Variants in ABCA4 observed in about 807,000 individuals in gnomAD.
ABCA4 encodes ATP binding cassette subfamily A member 4.
In ABCA4, 196 loss-of-function variants were observed where a neutral mutation model predicts 263.7. That is an observed-to-expected ratio of 0.74 (90% CI 0.66 to 0.84). The LOEUF (loss-of-function observed/expected upper bound fraction) is 0.84, where lower values mean the gene tolerates loss of function less well. Among genes scored for constraint, ABCA4 ranks in the 40% least tolerant of loss-of-function variants. The pLI is 0.00. For synonymous variants in ABCA4, 1,133 were observed against 1,094.2 expected, an observed-to-expected ratio of 1.04 and a Z score of -0.70; for missense variants, 2,792 against 2,855.1, an observed-to-expected ratio of 0.98 and a Z score of 0.50.
chr1:94,007,464 G>T (rs1190361675), intron 43 of ABCA4, among the ~76,000 whole-genome samples, 170 bp downstream of exon 43: 2 of 145,114 alleles, frequency 1.4e-5, no homozygotes, highest in African/African-American at 2.6e-5. Context: ...CTTTTCCATT[G>T]GGTCTATGTG....
intron 6 of ABCA4, among the ~76,000 whole-genome samples, chr1:94,097,292 A>C (rs1283623630): frequency 6.6e-6 from 1 of 152,126 alleles, no homozygotes; most frequent in Non-Finnish European, 1.5e-5. Context: ...ACGGAAAGTC[A>C]CACATTGAAG....
At chr1:94,023,541 C>T (rs765017866) in intron 31 of ABCA4, 123 bp from the exon 32 acceptor site, 34 of 884,564 alleles carry the variant, frequency 3.8e-5, no homozygotes, top group South Asian at 1.4e-4. Context: ...TTGCATTTTC[C>T]GATATCCAAG....
At position 94,063,236 on chromosome 1, in the gene ABCA4, T is replaced by C; in HGVS notation, c.1636A>G (p.Met546Val). The C allele has an allele frequency of 1.9e-6, 3 of 1,614,122 alleles. No homozygotes were observed. Among genetic ancestry groups the C allele is most frequent in the Admixed American group, 1.7e-5 (1 of 60,026 alleles). Reference sequence around the variant, plus strand: ...GGGAATACCACTCCGGCCCAGAACATGTTTTCCTCCAGTAGAGAGAGGGCA... The same window carrying C: ...GGGAATACCACTCCGGCCCAGAACACGTTTTCCTCCAGTAGAGAGAGGGCA... ...QRALSLLEEN[M>V]FWAGVVFPDM... The change falls in exon 12 of 50, where the codon ATG becomes GTG. Residue 546 changes from methionine to valine, a missense_variant. Met to Val is a conservative substitution (Grantham distance 21). Coordinates refer to ENST00000370225, the MANE Select transcript of ABCA4 (RefSeq NM_000350.3).
At chr1:93,996,413 C>G (rs979812668) in intron 48 of ABCA4, among the ~76,000 whole-genome samples, 4 of 152,194 alleles carry the variant, frequency 2.6e-5, no homozygotes, top group African/African-American at 9.7e-5. Context: ...AGTGATGCCA[C>G]AGGAGTTCCT....
chr1:94,120,235 A>G (rs1203959646), intron 1 of ABCA4, among the ~76,000 whole-genome samples: 2 of 152,158 alleles, frequency 1.3e-5, no homozygotes, highest in Non-Finnish European at 2.9e-5. Context: ...CTTGGTCTCC[A>G]AACGTACTTT....
intron 6 of ABCA4, 69 bp from the exon 7 acceptor site, chr1:94,083,510 G>A (rs1661757476): frequency 8.3e-7 from 1 of 1,211,960 alleles, no homozygotes. Flanking sequence ...CATAGGCACA[G>A]TCTGATCTCC....
Position 93,997,908 on chromosome 1 carries a change from T to C in ABCA4, c.6682A>G (p.Ser2228Gly). 5 of 1,614,132 alleles carry C rather than the reference T, an allele frequency of 3.1e-6. No individual in the cohort carries two copies. Among genetic ancestry groups the C allele is most frequent in the Non-Finnish European group, 4.2e-6 (5 of 1,180,012 alleles). Residue 2228 changes from serine (S) to glycine (G), a missense_variant, in exon 48 of 50, where the codon AGC (serine) becomes GGC (glycine). Physicochemically the swap from Ser to Gly is moderately conservative, Grantham distance 56. Transcript: ENST00000370225. The stretch of plus-strand genomic sequence containing the variant: ...ACTGAGTACTCCTCGATGAGCAGGC[T>C]GTCCTTGTGGGAGAGGAGGAGCTGG... ...IFQLLLSHKD[S>G]LLIEEYSVTQ...
At chr1:94,038,099 A>T (rs543438003) in intron 24 of ABCA4, among the ~76,000 whole-genome samples, 17 of 151,452 alleles carry the variant, frequency 1.1e-4, no homozygotes, top group Non-Finnish European at 1.6e-4. Context: ...CTGCCTCCAC[A>T]AACAAAACTG....
In ABCA4 at chr1:94,112,987, T is replaced by C; in HGVS notation, c.146A>G (p.Tyr49Cys). 1 of 1,613,678 alleles carries C rather than the reference T, an allele frequency of 6.2e-7. No homozygotes were observed. Among genetic ancestry groups the C allele is most frequent in the South Asian group, 1.1e-5 (1 of 91,068 alleles). The part of the protein sequence containing the change: ...LIWLRNANPL[Y>C]SHHECHFPNK... ...GCTATGCTTACATTCATGATGGCTG[T>C]AGAGTGGGTTGGCATTCCTTAACCA... is the stretch of plus-strand genomic sequence containing the variant. Residue 49 changes from tyrosine to cysteine, a missense_variant, in exon 2 of 50, where the codon TAC becomes TGC. By Grantham distance (194) the Tyr-to-Cys change is radical. Coordinates refer to ENST00000370225, the MANE Select transcript of ABCA4 (RefSeq NM_000350.3).
rs1571254075 is a variant in ABCA4, at chr1:94,015,786, A to T, written c.5265T>A (p.Thr1755=). ...IFIGFQKKAY[T]SPENLPALVA... ...CAAGGGCAGGAAGGTTTTCTGGAGA[A>T]GTGTAGGCTTTCTTCTGAAACCCGA... The change falls in exon 37 of 50, where the codon ACT becomes ACA. Residue 1755 remains threonine, a synonymous_variant. Coordinates refer to ENST00000370225, the MANE Select transcript of ABCA4 (RefSeq NM_000350.3). 1.2e-6 allele frequency: 2 copies of T among 1,614,084 alleles called. No homozygotes were observed. Among genetic ancestry groups the T allele is most frequent in the East Asian group, 4.5e-5 (2 of 44,856 alleles).
chr1:94,036,025 G>A (rs563490705), intron 26 of ABCA4, among the ~76,000 whole-genome samples: 5 of 152,060 alleles, frequency 3.3e-5, no homozygotes, highest in Non-Finnish European at 7.4e-5. Flanking sequence ...ATCTCAAAGG[G>A]GCCAGGAGAC....
rs1267135514 is a variant in ABCA4 at position 94,037,304 on chromosome 1, C to T, written c.3654G>A (p.Glu1218=). 1.2e-6 allele frequency: 2 copies of T among 1,614,114 alleles called. No homozygotes were observed. The highest frequency in any genetic ancestry group is 1.1e-5 in the South Asian group (1 of 91,092). ...LMDVVLHHVP[E]AKLVECIGQE... is the part of the protein sequence containing the mutation. ...GACCAATGCACTCCACCAGCTTTGC[C>T]TCTGGAACATGGTGGAGAACTACAT... The change falls in exon 25 of 50, where the codon GAG becomes GAA. Residue 1218 remains glutamate (E), a synonymous_variant. Transcript: ENST00000370225.
At chr1:94,031,375 A>G (rs1466850875) in intron 27 of ABCA4, among the ~76,000 whole-genome samples, 1 of 152,206 alleles carries the variant, frequency 6.6e-6, no homozygotes, top group African/African-American at 2.4e-5. Context: ...TTCAAAGGGC[A>G]TTTCAAAGAG....
chr1:94,007,508 T>A, intron 43 of ABCA4, 126 bp downstream of exon 43: 1 of 862,096 alleles, frequency 1.2e-6, no homozygotes. Flanking sequence ...CTGGGAGGCC[T>A]CCTTCTCTGT....
In ABCA4 at chr1:94,063,291, G is replaced by A; in HGVS notation, c.1581C>T (p.Ser527=). Residue 527 remains serine (S), a synonymous_variant, in exon 12 of 50, where the codon AGC becomes AGT. Transcript: ENST00000370225. ...GGGTGAGCTGAGTTTCATCATTGTAGCTTTCAAACTTATCCAGGACCAAGC... is the reference window on the plus strand; with the variant it reads ...GGGTGAGCTGAGTTTCATCATTGTAACTTTCAAACTTATCCAGGACCAAGC... ...LECLVLDKFE[S]YNDETQLTQR... is the part of the protein sequence containing the mutation. 1 of 1,614,132 alleles carries A rather than the reference G, an allele frequency of 6.2e-7. No individual in the cohort carries two copies. Among genetic ancestry groups the A allele is most frequent in the Non-Finnish European group, 8.5e-7 (1 of 1,180,040 alleles).
intron 19 of ABCA4, chr1:94,045,955 C>T (rs1252583112): frequency 2.6e-5 from 12 of 456,094 alleles, no homozygotes; most frequent in East Asian, 2.1e-4. Flanking sequence ...GAGAGTGGGG[C>T]GCCTGCGGAG....
At chr1:94,093,510 T>C (rs181806725) in intron 6 of ABCA4, among the ~76,000 whole-genome samples, 17 of 152,382 alleles carry the variant, frequency 1.1e-4, no homozygotes, top group Admixed American at 1.0e-3. Context: ...GCACACATTG[T>C]AGGCGCCTAG....
At chr1:94,020,578 A>C (rs1659868670) in intron 35 of ABCA4, among the ~76,000 whole-genome samples, 1 of 152,180 alleles carries the variant, frequency 6.6e-6, no homozygotes, top group South Asian at 2.1e-4. Context: ...TGTCCAGAGG[A>C]AGACACCAAG....
intron 6 of ABCA4, among the ~76,000 whole-genome samples, chr1:94,088,950 T>C (rs915879237): frequency 2.0e-5 from 3 of 152,228 alleles, no homozygotes; most frequent in African/African-American, 2.4e-5. Flanking sequence ...TTTTCTCTTC[T>C]TTCTGAATTT....
Sources: gnomAD v4.1 joint callset for allele counts (sites outside exome capture counted in the v4.1 genomes callset) on GRCh38, gnomAD v4.1.1 for gene constraint, MANE v1.5 for transcripts, NCBI Gene and HGNC (gene_info 2026-07-23, HGNC 2026-07-21) for gene names.